The following CHMP2B variants were observed in gnomAD, a reference collection of about 807,000 sequenced individuals.
CHMP2B encodes VPS2 homolog B.
Under a neutral mutation model 29.8 loss-of-function variants are expected in CHMP2B, and 22 were observed. The observed-to-expected ratio is 0.74, with a 90% CI of 0.53 to 1.05. CHMP2B has a LOEUF of 1.05. CHMP2B is among the 50% of genes least tolerant of loss of function. CHMP2B has a pLI of 0.00. For missense variants in CHMP2B, 261 were observed against 252.2 expected (o/e 1.03, Z -0.24); for synonymous variants, 78 against 75.8 (o/e 1.03, Z -0.15).
At chr3:87,248,775 G>A (rs1463633090) in intron 3 of CHMP2B, among the ~76,000 whole-genome samples, 2 of 151,954 alleles carry the variant, frequency 1.3e-5, no homozygotes, top group African/African-American at 2.4e-5. Flanking sequence ...GGGATGGGGG[G>A]AATGCAGTGT....
rs1706389295 is a variant in CHMP2B, at chr3:87,255,427, G to A, written c.*1605G>A. 6.6e-6 allele frequency: 1 copy of A among 152,040 alleles called. No individual in the cohort carries two copies. The highest frequency in any genetic ancestry group is 6.6e-5 in the Admixed American group (1 of 15,196). The allele number at this position is 152,040 out of a possible 1,614,324, so 9.4% of individuals were successfully genotyped here. A position where few individuals can be genotyped will look rare whatever the true frequency, so the allele number is the denominator to read the frequency against. On this transcript the variant is annotated 3_prime_UTR_variant, in exon 6 of 6. Coordinates refer to ENST00000263780, the MANE Select transcript of CHMP2B (RefSeq NM_014043.4). ...CTTATTTACGTTCTTGTTTACATGTGGGAGCTTTTGTTTTCAAAAATTATT... is the reference window on the plus strand; with the variant it reads ...CTTATTTACGTTCTTGTTTACATGTAGGAGCTTTTGTTTTCAAAAATTATT...
chr3:87,238,392 C>T (rs1706053311), intron 1 of CHMP2B, among the ~76,000 whole-genome samples: 1 of 152,108 alleles, frequency 6.6e-6, no homozygotes, highest in Non-Finnish European at 1.5e-5. Context: ...GTTACCACCA[C>T]CTGTATCTAG....
At position 87,235,375 on chromosome 3, in the gene CHMP2B, G is replaced by A. The variant is rs143426391; in HGVS notation, c.35-5324G>A. Among the ~76,000 whole-genome samples the A allele has an allele frequency of 6.2e-4, 94 of 152,046 alleles. 1 individual carries two copies. The highest frequency in any genetic ancestry group is 1.8e-3 in the African/African-American group (76 of 41,476). ...TTTTATAGTATATTTCTATTGTCTC[G>A]TATGAAAATATGTTTTACTGTCTTT... On this transcript the variant is annotated intron_variant, in intron 1 of 5. Coordinates refer to ENST00000263780, the MANE Select transcript of CHMP2B (RefSeq NM_014043.4).
In CHMP2B at chr3:87,227,312, A is replaced by C; in HGVS notation, c.-211A>C. On this transcript the variant is annotated 5_prime_UTR_variant, in exon 1 of 6. Coordinates refer to ENST00000263780, the MANE Select transcript of CHMP2B (RefSeq NM_014043.4). ...AAGTGACTTCTCCAAAAAGTGTGTT[A>C]GTTCCCGGTCACCTGAGCTCCGGGT... 1 of 611,912 alleles carries C rather than the reference A, an allele frequency of 1.6e-6. No individual in the cohort carries two copies. Among genetic ancestry groups the C allele is most frequent in the East Asian group, 2.8e-5 (1 of 36,354 alleles). The allele number at this position is 611,912 out of a possible 1,614,324, so 37.9% of individuals were successfully genotyped here.
In CHMP2B at chr3:87,227,487, G is replaced by A. The variant is rs773633818; in HGVS notation, c.-36G>A. On this transcript the variant is annotated 5_prime_UTR_variant, in exon 1 of 6. Transcript: ENST00000263780. ...TCCTTTGCCAGCGTTGGGCCGGACC[G>A]GGCCGAGCCGGGCCGCCCGGGCGCA... 6 of 1,613,794 alleles carry A rather than the reference G, an allele frequency of 3.7e-6. No individual in the cohort carries two copies. In the South Asian group the frequency reaches 4.4e-5, roughly 12 times the overall value.
chr3:87,253,551 C>T lies in CHMP2B; in HGVS notation c.531+41C>T, dbSNP rs374782344. The T allele has an allele frequency of 6.3e-6, 9 of 1,427,936 alleles. No homozygotes were observed. In the East Asian group the frequency reaches 9.1e-5, roughly 15 times the overall value. 88.5% of individuals were successfully genotyped at this position (1,427,936 alleles called of 1,614,324 possible). On this transcript the variant is annotated intron_variant, in intron 5 of 5. Coordinates refer to ENST00000263780, the MANE Select transcript of CHMP2B (RefSeq NM_014043.4). ...TTTCTTAGTTGGAAATAGTTTCTGCCTACCACGTTTGTCACTTAATTGTTT... is the reference window on the plus strand; with the variant it reads ...TTTCTTAGTTGGAAATAGTTTCTGCTTACCACGTTTGTCACTTAATTGTTT...
intron 1 of CHMP2B, among the ~76,000 whole-genome samples, chr3:87,234,540 G>C (rs1188383322): frequency 6.6e-6 from 1 of 152,140 alleles, no homozygotes. Flanking sequence ...GGTGAAAAGA[G>C]GGTGGTGGAT....
intron 3 of CHMP2B, 39 bp from the exon 4 acceptor site, chr3:87,249,836 A>T (rs753092092): frequency 2.3e-6 from 3 of 1,288,342 alleles, no homozygotes; most frequent in Non-Finnish European, 3.4e-6. Flanking sequence ...AATTTTCATA[A>T]TTATGGAAGT....
chr3:87,239,569 A>G (rs907622600), intron 1 of CHMP2B, among the ~76,000 whole-genome samples: 1 of 152,088 alleles, frequency 6.6e-6, no homozygotes, highest in Admixed American at 6.5e-5. Flanking sequence ...TAGCCTAGTA[A>G]AGTAGTTAAG....
intron 1 of CHMP2B, among the ~76,000 whole-genome samples, chr3:87,229,636 G>A (rs1327770190): frequency 6.6e-6 from 1 of 152,022 alleles, no homozygotes; most frequent in African/African-American, 2.4e-5. Context: ...TTATGAATAT[G>A]AAGTTTAATG....
At chr3:87,249,833 A>G (rs1246963964) in intron 3 of CHMP2B, 42 bp from the exon 4 acceptor site, 1 of 1,263,382 alleles carries the variant, frequency 7.9e-7, no homozygotes, top group South Asian at 1.3e-5. Context: ...TAAAATTTTC[A>G]TAATTATGGA....
At chr3:87,230,935 T>C (rs1038389421) in intron 1 of CHMP2B, among the ~76,000 whole-genome samples, 1 of 152,112 alleles carries the variant, frequency 6.6e-6, no homozygotes, top group African/African-American at 2.4e-5. Context: ...TTCCAAGACA[T>C]AGCACTCTCT....
chr3:87,231,699 C>T (rs1397731198), intron 1 of CHMP2B, among the ~76,000 whole-genome samples: 3 of 152,158 alleles, frequency 2.0e-5, no homozygotes, highest in African/African-American at 7.2e-5. Context: ...CACTGTTCTT[C>T]TGTTCATTGT....
At chr3:87,253,100 A>C (rs1706345280) in intron 4 of CHMP2B, 1 of 279,926 alleles carries the variant, frequency 3.6e-6, no homozygotes. Context: ...AATAATATTT[A>C]AAAATCTTAA....
chr3:87,229,172 C>G (rs183031864), intron 1 of CHMP2B, among the ~76,000 whole-genome samples: 1 of 152,026 alleles, frequency 6.6e-6, no homozygotes, highest in Admixed American at 6.5e-5. Context: ...CAGTTCTGTG[C>G]TTCCTGGTGC....
chr3:87,243,298 A>T (rs914437725), intron 2 of CHMP2B, among the ~76,000 whole-genome samples: 2 of 152,020 alleles, frequency 1.3e-5, no homozygotes, highest in Non-Finnish European at 2.9e-5. Flanking sequence ...ATTTTTTTTA[A>T]TGTATTTTCA....
Position 87,253,846 on chromosome 3 carries a change from C to A in CHMP2B, c.*24C>A. 6.5e-7 allele frequency: 1 copy of A among 1,547,580 alleles called. No homozygotes were observed. The highest frequency in any genetic ancestry group is 2.3e-5 in the East Asian group (1 of 44,356). On this transcript the variant is annotated 3_prime_UTR_variant, in exon 6 of 6. Coordinates refer to ENST00000263780, the MANE Select transcript of CHMP2B (RefSeq NM_014043.4). ...AGTCAAAAGAAGTCATACTATTTTG[C>A]TTACTTATAATTATGTAGTATAAAC...
intron 1 of CHMP2B, among the ~76,000 whole-genome samples, chr3:87,236,122 G>C (rs1393852906): frequency 6.6e-6 from 1 of 152,006 alleles, no homozygotes; most frequent in East Asian, 1.9e-4. Context: ...GAATCTCTTA[G>C]GTAAGGTTTT....
chr3:87,235,070 G>A (rs545435782), intron 1 of CHMP2B, among the ~76,000 whole-genome samples: 1 of 152,286 alleles, frequency 6.6e-6, no homozygotes, highest in East Asian at 1.9e-4. Flanking sequence ...TCGCTAGTAA[G>A]TATGATATAT....
Sources: allele counts gnomAD v4.1 joint callset (sites outside exome capture counted in the v4.1 genomes callset), GRCh38; gene constraint gnomAD v4.1.1; transcripts MANE v1.5; gene names NCBI Gene and HGNC (gene_info 2026-07-23, HGNC 2026-07-21).